Variants in TRAPPC9 observed in about 807,000 individuals in gnomAD.
The protein encoded by TRAPPC9 is IKK2 binding protein.
In TRAPPC9, 83 loss-of-function variants were observed where a neutral mutation model predicts 124.0. That is an observed-to-expected ratio of 0.67 (90% CI 0.56 to 0.80). The LOEUF is 0.80. TRAPPC9 is among the 30% of genes least tolerant of loss of function. The probability of loss-of-function intolerance (pLI) is 0.00; values close to 1 mark genes in which losing one functional copy is unlikely to be tolerated. For synonymous variants in TRAPPC9, 638 were observed against 617.5 expected (o/e 1.03, Z -0.49); for missense variants, 1,302 against 1,508.3 (o/e 0.86, Z 2.27).
intron 21 of TRAPPC9, among the ~76,000 whole-genome samples, chr8:139,838,428 CTT>C (rs1463787761): frequency 6.6e-6 from 1 of 152,200 alleles, no homozygotes; most frequent in Non-Finnish European, 1.5e-5. Flanking sequence ...ACATGAATAA[CTT>C]AGGCCATGAC....
At chr8:140,165,594 G>A (rs894985739) in intron 17 of TRAPPC9, among the ~76,000 whole-genome samples, 1 of 132,216 alleles carries the variant, frequency 7.6e-6, no homozygotes, top group Non-Finnish European at 1.6e-5. Context: ...AAGGGGGAAG[G>A]AGGGAGGGGA....
intron 17 of TRAPPC9, among the ~76,000 whole-genome samples, chr8:140,029,778 T>G (rs1318332934): frequency 6.6e-6 from 1 of 151,792 alleles, no homozygotes; most frequent in Non-Finnish European, 1.5e-5. Context: ...AGGAGAAAAC[T>G]TTCCCAATCT....
At chr8:140,268,081 G>C (rs535868714) in intron 15 of TRAPPC9, among the ~76,000 whole-genome samples, 2 of 151,990 alleles carry the variant, frequency 1.3e-5, no homozygotes, top group East Asian at 3.9e-4. Flanking sequence ...ATTTTATACA[G>C]CAGACATTTT....
At chr8:140,456,904 T>C in intron 1 of TRAPPC9, 2 of 902,568 alleles carry the variant, frequency 2.2e-6, no homozygotes, top group African/African-American at 1.8e-5. Context: ...TAACAGACAT[T>C]CACGTTGGGA....
At chr8:140,078,100 A>G (rs138205609) in intron 17 of TRAPPC9, among the ~76,000 whole-genome samples, 207 of 152,360 alleles carry the variant, frequency 1.4e-3, no homozygotes, top group African/African-American at 4.5e-3. Flanking sequence ...CTGTGAAAGA[A>G]AGAAAAACTG....
Position 139,744,929 on chromosome 8 carries a change from G to A in TRAPPC9, c.3056-12727C>T, listed in dbSNP as rs562650666. 6.6e-5 allele frequency among the ~76,000 whole-genome samples: 10 copies of A among 152,238 alleles called. 1 individual carries two copies. Among genetic ancestry groups the A allele is most frequent in the South Asian group, 4.1e-4 (2 of 4,834 alleles). On this transcript the variant is annotated intron_variant, in intron 21 of 22. Coordinates refer to ENST00000438773, the MANE Select transcript of TRAPPC9 (RefSeq NM_001160372.4). Reference sequence around the variant, plus strand: ...CTGTACAGCTTGGAGTTCTCTCATCGGAGGCTCTCTGCTTCCTGAGCTCAC... The same window carrying A: ...CTGTACAGCTTGGAGTTCTCTCATCAGAGGCTCTCTGCTTCCTGAGCTCAC...
chr8:140,226,571 G>A (rs1433352502), intron 16 of TRAPPC9, among the ~76,000 whole-genome samples: 5 of 137,448 alleles, frequency 3.6e-5, no homozygotes, highest in Non-Finnish European at 7.6e-5. Flanking sequence ...CAGCCTGGGT[G>A]ACAGGGAGAG....
At chr8:139,734,782 A>T (rs1341327684) in intron 21 of TRAPPC9, among the ~76,000 whole-genome samples, 1 of 152,250 alleles carries the variant, frequency 6.6e-6, no homozygotes. Context: ...TCTGCATGAC[A>T]CAGCACTCAA....
chr8:140,009,594 T>A (rs1341988005), intron 18 of TRAPPC9, among the ~76,000 whole-genome samples: 1 of 152,168 alleles, frequency 6.6e-6, no homozygotes, highest in Non-Finnish European at 1.5e-5. Context: ...CTTAGCCTAT[T>A]TAATGTTTGT....
chr8:140,120,650 CCATT>C (rs1484461291), intron 17 of TRAPPC9, among the ~76,000 whole-genome samples: 1 of 146,872 alleles, frequency 6.8e-6, no homozygotes, highest in Non-Finnish European at 1.5e-5. Flanking sequence ...ATCCATCCAT[CCATT>C]CATCCATCCA....
intron 19 of TRAPPC9, among the ~76,000 whole-genome samples, chr8:139,971,945 T>C (rs755901046): frequency 1.6e-4 from 25 of 151,852 alleles, no homozygotes; most frequent in Non-Finnish European, 2.6e-4. Flanking sequence ...CTTCAGCCTC[T>C]CAAGTTGCTG....
intron 5 of TRAPPC9, among the ~76,000 whole-genome samples, chr8:140,415,824 C>T (rs1237858841): frequency 1.3e-5 from 2 of 152,042 alleles, no homozygotes; most frequent in East Asian, 3.9e-4. Context: ...AAAAAGTAGG[C>T]AGGCATGGTG....
At chr8:139,835,959 C>T (rs546747989) in intron 21 of TRAPPC9, among the ~76,000 whole-genome samples, 11 of 152,258 alleles carry the variant, frequency 7.2e-5, no homozygotes, top group Middle Eastern at 6.8e-3. Context: ...ATCATAAATG[C>T]TATTTTCCAC....
At chr8:140,272,334 T>G (rs969655152) in intron 15 of TRAPPC9, among the ~76,000 whole-genome samples, 4 of 135,408 alleles carry the variant, frequency 3.0e-5, no homozygotes, top group African/African-American at 1.1e-4. Context: ...GTGATGGTGG[T>G]TTTGGTGGTC....
chr8:139,891,730 T>C, intron 20 of TRAPPC9, among the ~76,000 whole-genome samples: 1 of 152,302 alleles, frequency 6.6e-6, no homozygotes, highest in African/African-American at 2.4e-5. Flanking sequence ...CATAACCCCA[T>C]GGATCTGCAC....
chr8:140,263,210 A>T (rs1040969360), intron 15 of TRAPPC9, among the ~76,000 whole-genome samples: 3 of 152,126 alleles, frequency 2.0e-5, no homozygotes, highest in African/African-American at 7.2e-5. Flanking sequence ...ACCACTCCAA[A>T]AAAGAGCAGA....
chr8:140,333,066 C>T (rs2066936132), intron 9 of TRAPPC9, among the ~76,000 whole-genome samples: 1 of 150,262 alleles, frequency 6.7e-6, no homozygotes. Context: ...GCAGAGGTTG[C>T]AGTGAGCCGA....
intron 7 of TRAPPC9, among the ~76,000 whole-genome samples, chr8:140,395,942 G>A (rs919635670): frequency 6.6e-6 from 1 of 152,106 alleles, no homozygotes; most frequent in South Asian, 2.1e-4. Context: ...ACAGCCGGCC[G>A]CTGACCCTTT....
At chr8:139,786,163 G>C (rs536210384) in intron 21 of TRAPPC9, among the ~76,000 whole-genome samples, 1 of 151,310 alleles carries the variant, frequency 6.6e-6, no homozygotes, top group African/African-American at 2.4e-5. Flanking sequence ...AGCCAAGATC[G>C]CGCCACCGCA....
Sources: allele counts gnomAD v4.1 joint callset (sites outside exome capture counted in the v4.1 genomes callset), GRCh38; gene constraint gnomAD v4.1.1; transcripts MANE v1.5; gene names NCBI Gene and HGNC (gene_info 2026-07-23, HGNC 2026-07-21).